The following MLKL variants were observed in gnomAD, a reference collection of about 807,000 sequenced individuals.
The protein encoded by MLKL is mixed lineage kinase domain like pseudokinase.
MLKL carries 55 observed loss-of-function variants against 56.5 expected under a neutral mutation model. The ratio of observed to expected loss-of-function variants is 0.97; its 90% CI spans 0.78 to 1.22. MLKL has a LOEUF of 1.22. Ranked by LOEUF, MLKL falls within the 50% of genes most tolerant of loss-of-function variation. The pLI is 0.00. For missense variants in MLKL, 694 were observed against 573.9 expected (o/e 1.21, Z -2.14); for synonymous variants, 251 against 208.3 (o/e 1.20, Z -1.76).
chr16:74,682,783 G>A lies in MLKL; in HGVS notation c.824C>T (p.Thr275Ile), dbSNP rs951313891. 1.2e-6 allele frequency: 2 copies of A among 1,613,936 alleles called. No homozygotes were observed. The highest frequency in any genetic ancestry group is 2.7e-5 in the African/African-American group (2 of 74,896). Reference sequence around the variant, plus strand: ...CATGACAATGGAGAATTGAGGCGGAGTCACTGGTGGAAAGGAGCCAGACAC... The same window carrying A: ...CATGACAATGGAGAATTGAGGCGGAATCACTGGTGGAAAGGAGCCAGACAC... ...IFGICIDETV[T>I]PPQFSIVMEY... Residue 275 changes from threonine to isoleucine, a missense_variant, in exon 6 of 11, where the codon ACT becomes ATT. Physicochemically the swap from Thr to Ile is moderately conservative, Grantham distance 89. Coordinates refer to ENST00000308807, the MANE Select transcript of MLKL (RefSeq NM_152649.4).
At chr16:74,679,595 G>A (rs952819585) in intron 6 of MLKL, among the ~76,000 whole-genome samples, 1 of 152,168 alleles carries the variant, frequency 6.6e-6, no homozygotes, top group African/African-American at 2.4e-5. Flanking sequence ...ATCACTTGAG[G>A]TCAGGAGTTT....
chr16:74,693,453 C>CAAAAAA (rs71158538), intron 2 of MLKL, among the ~76,000 whole-genome samples: 3,262 of 34,654 alleles, frequency 0.094, 146 homozygotes, highest in African/African-American at 0.21. Context: ...GACTCTGTCT[C>CAAAAAA]AAAAAAAAAA....
intron 5 of MLKL, 110 bp downstream of exon 5, chr16:74,685,376 T>G: frequency 1.3e-6 from 1 of 782,430 alleles, no homozygotes; most frequent in Non-Finnish European, 2.1e-6. Flanking sequence ...TAATCACACT[T>G]TGTGGATTCC....
At chr16:74,690,748 C>G (rs1012586920) in intron 4 of MLKL, among the ~76,000 whole-genome samples, 1 of 133,598 alleles carries the variant, frequency 7.5e-6, no homozygotes, top group Non-Finnish European at 1.5e-5. Context: ...CACCACTGCA[C>G]TCCAGCCTGG....
At chr16:74,675,288 G>A in intron 9 of MLKL, 67 bp downstream of exon 9, 1 of 1,609,032 alleles carries the variant, frequency 6.2e-7, no homozygotes, top group East Asian at 2.2e-5. Context: ...CACTGATGGG[G>A]AATTTCTGGT....
In MLKL at chr16:74,695,486, G is replaced by C; in HGVS notation, c.272C>G (p.Ala91Gly). 6.2e-7 allele frequency: 1 copy of C among 1,614,168 alleles called. No homozygotes were observed. The highest frequency in any genetic ancestry group is 8.5e-7 in the Non-Finnish European group (1 of 1,180,044). ...CTTGAAGAGTATTTTGTCCTGGCTT[G>C]CTGTTAGAAACCTGCAGATATTGGA... Reference protein sequence around the residue: ...NRSNICRFLTASQDKILFKDV... With the variant: ...NRSNICRFLTGSQDKILFKDV... The change falls in exon 2 of 11, where the codon GCA (alanine) becomes GGA (glycine). Residue 91 changes from alanine (A) to glycine (G), a missense_variant. Physicochemically the swap from Ala to Gly is moderately conservative, Grantham distance 60. Transcript: ENST00000308807.
chr16:74,699,485 C>A (rs1338274150), intron 1 of MLKL, among the ~76,000 whole-genome samples: 1 of 152,132 alleles, frequency 6.6e-6, no homozygotes, highest in African/African-American at 2.4e-5. Context: ...AGTATATGAT[C>A]TACAAGGGAA....
At chr16:74,675,505 C>A in intron 8 of MLKL, 101 bp from the exon 9 acceptor site, 1 of 1,568,928 alleles carries the variant, frequency 6.4e-7, no homozygotes, top group Non-Finnish European at 8.7e-7. Flanking sequence ...TGATTACTAC[C>A]CAATTTCATT....
chr16:74,691,166 A>G (rs983578850), intron 4 of MLKL, 111 bp downstream of exon 4: 49 of 977,354 alleles, frequency 5.0e-5, no homozygotes, highest in Non-Finnish European at 7.0e-5. Context: ...ACATAATTTA[A>G]CCCTTTAGGG....
intron 1 of MLKL, among the ~76,000 whole-genome samples, chr16:74,700,083 AAAAAT>A (rs753243205): frequency 3.3e-5 from 5 of 152,200 alleles, no homozygotes; most frequent in Non-Finnish European, 5.9e-5. Context: ...AATAAAAAAT[AAAAAT>A]AAAATAAAAT....
At chr16:74,690,567 A>G (rs1282718851) in intron 4 of MLKL, among the ~76,000 whole-genome samples, 1 of 152,134 alleles carries the variant, frequency 6.6e-6, no homozygotes, top group Non-Finnish European at 1.5e-5. Flanking sequence ...AAGGCGCTTG[A>G]GTCCAGGAGT....
intron 10 of MLKL, 31 bp from the exon 11 acceptor site, chr16:74,672,569 G>C: frequency 6.2e-7 from 1 of 1,610,428 alleles, no homozygotes. Context: ...AATTAGACCA[G>C]GGTAGGCAGC....
At position 74,695,777 on chromosome 16, in the gene MLKL, A is replaced by G; in HGVS notation, c.-2-18T>C. 1 of 1,562,334 alleles carries G rather than the reference A, an allele frequency of 6.4e-7. No homozygotes were observed. The highest frequency in any genetic ancestry group is 8.7e-7 in the Non-Finnish European group (1 of 1,153,882). Reference sequence around the variant, plus strand: ...TTCCATGCCTGGAAGAAATGAATGGAATTTGGTGAAATCCCCAAATCTCCT... The same window carrying G: ...TTCCATGCCTGGAAGAAATGAATGGGATTTGGTGAAATCCCCAAATCTCCT... On this transcript the variant is annotated intron_variant, in intron 1 of 10. Coordinates refer to ENST00000308807, the MANE Select transcript of MLKL (RefSeq NM_152649.4).
chr16:74,675,570 T>G (rs1186453448), intron 8 of MLKL, 43 bp downstream of exon 8: 1 of 1,595,752 alleles, frequency 6.3e-7, no homozygotes, highest in South Asian at 1.1e-5. Context: ...GTTTTCCTAT[T>G]ATGCACATCT....
chr16:74,700,101 G>A (rs1038532673), intron 1 of MLKL, among the ~76,000 whole-genome samples: 1 of 152,058 alleles, frequency 6.6e-6, no homozygotes, highest in African/African-American at 2.4e-5. Context: ...AATAAAATAA[G>A]TAAAGGTTAT....
At chr16:74,679,939 A>T (rs1353332871) in intron 6 of MLKL, among the ~76,000 whole-genome samples, 1 of 152,230 alleles carries the variant, frequency 6.6e-6, no homozygotes, top group Non-Finnish European at 1.5e-5. Context: ...GGTTGATTTC[A>T]GGTGAAATCC....
chr16:74,685,340 GAA>G (rs368116709), intron 5 of MLKL, 144 bp downstream of exon 5: 128 of 510,186 alleles, frequency 2.5e-4, no homozygotes, highest in South Asian at 4.8e-4. Flanking sequence ...ATCTTGGGAT[GAA>G]AAAAAAAAAA....
chr16:74,691,054 T>G (rs1960638533), intron 4 of MLKL, among the ~76,000 whole-genome samples: 1 of 116,936 alleles, frequency 8.6e-6, no homozygotes, highest in African/African-American at 3.6e-5. Context: ...GGGAAAGTTG[T>G]TTTTTTTTTT....
At chr16:74,685,729 TAAC>T (rs1190521511) in intron 4 of MLKL, 146 bp from the exon 5 acceptor site, 4 of 654,744 alleles carry the variant, frequency 6.1e-6, no homozygotes, top group African/African-American at 5.4e-5. Context: ...CAGCTACTGA[TAAC>T]AACATGTGGA....
Sources: gnomAD v4.1 joint callset for allele counts (sites outside exome capture counted in the v4.1 genomes callset) on GRCh38, gnomAD v4.1.1 for gene constraint, MANE v1.5 for transcripts, NCBI Gene and HGNC (gene_info 2026-07-23, HGNC 2026-07-21) for gene names.